PRKD1: variants seen among roughly 807,000 people sequenced by gnomAD.
PRKD1 encodes the protein protein kinase D1, also known as serine/threonine-protein kinase D1.
PRKD1 carries 63 observed loss-of-function variants against 95.9 expected under a neutral mutation model. The observed-to-expected ratio is 0.66, with a 90% CI of 0.54 to 0.81. The LOEUF is 0.81. Among genes scored for constraint, PRKD1 ranks in the 30% least tolerant of loss-of-function variants. The pLI is 0.00. For synonymous variants in PRKD1, 425 were observed against 423.1 expected, an observed-to-expected ratio of 1.00 and a Z score of -0.05; for missense variants, 1,048 against 1,165.3, an observed-to-expected ratio of 0.90 and a Z score of 1.47.
chr14:29,801,747 G>T (rs1365639190), intron 1 of PRKD1, among the ~76,000 whole-genome samples: 1 of 152,014 alleles, frequency 6.6e-6, no homozygotes, highest in Admixed American at 6.6e-5. Context: ...GGAGTGCAAT[G>T]GCACAATCTC....
Position 29,826,560 on chromosome 14 carries a change from T to C in PRKD1, c.264+100689A>G, listed in dbSNP as rs1392995540. 1.4e-4 allele frequency among the ~76,000 whole-genome samples: 5 copies of C among 35,588 alleles called. 1 individual carries two copies. Among genetic ancestry groups the C allele is most frequent in the African/African-American group, 4.3e-4 (5 of 11,506 alleles). The allele number at this position is 35,588 out of a possible 152,430, so 23.3% of individuals were successfully genotyped here. On this transcript the variant is annotated intron_variant, in intron 1 of 17. Transcript: ENST00000331968. ...GGAATATATGTATACATATATATGA[T>C]GGAATATATATATATACATATATAT...
chr14:29,807,487 C>T (rs1417116148), intron 1 of PRKD1, among the ~76,000 whole-genome samples: 1 of 151,992 alleles, frequency 6.6e-6, no homozygotes, highest in Non-Finnish European at 1.5e-5. Flanking sequence ...ACCTCTGCCT[C>T]CCAGGCTCAG....
intron 13 of PRKD1, among the ~76,000 whole-genome samples, chr14:29,620,162 C>A (rs1391523889): frequency 6.7e-6 from 1 of 149,882 alleles, no homozygotes; most frequent in Non-Finnish European, 1.5e-5. Flanking sequence ...ACACCTTATA[C>A]AAAAATTAAT....
At chr14:29,839,370 T>C (rs889908827) in intron 1 of PRKD1, among the ~76,000 whole-genome samples, 3 of 152,186 alleles carry the variant, frequency 2.0e-5, no homozygotes, top group Admixed American at 1.3e-4. Flanking sequence ...GTACCACCAG[T>C]ACTATCCTGA....
chr14:29,630,701 CATG>C, intron 10 of PRKD1, 38 bp downstream of exon 10: 1 of 1,612,854 alleles, frequency 6.2e-7, no homozygotes, highest in Middle Eastern at 1.7e-4. Context: ...GGGGTAGGCA[CATG>C]ATGAGCTTTG....
chr14:29,734,668 T>C (rs1886632921), intron 1 of PRKD1, among the ~76,000 whole-genome samples: 1 of 152,192 alleles, frequency 6.6e-6, no homozygotes, highest in Admixed American at 6.5e-5. Context: ...TAGGAAGTGG[T>C]CATTTCACAG....
In PRKD1 at chr14:29,643,510, C is replaced by T. The variant is rs112551056; in HGVS notation, c.697-4606G>A. Among the ~76,000 whole-genome samples, 183 of 152,278 alleles carry T rather than the reference C, an allele frequency of 1.2e-3. 2 individuals are homozygous for T. Among genetic ancestry groups the T allele is most frequent in the African/African-American group, 4.2e-3 (173 of 41,562 alleles). On this transcript the variant is annotated intron_variant, in intron 4 of 17. Coordinates refer to ENST00000331968, the MANE Select transcript of PRKD1 (RefSeq NM_002742.3). ...ACTCAGAGAGACAATGTATCCTGCT[C>T]TTCTAGAGACTGAATTTGTTTTTTA...
intron 2 of PRKD1, among the ~76,000 whole-genome samples, chr14:29,681,005 G>T (rs1233157216): frequency 6.6e-6 from 1 of 152,156 alleles, no homozygotes; most frequent in East Asian, 1.9e-4. Flanking sequence ...TTTACCATCT[G>T]GTTAGTTACA....
At chr14:29,672,066 G>A (rs559459134) in intron 2 of PRKD1, among the ~76,000 whole-genome samples, 28 of 152,068 alleles carry the variant, frequency 1.8e-4, no homozygotes, top group Middle Eastern at 3.4e-3. Context: ...ACAATTGGCC[G>A]GCGTGGTGGC....
Position 29,666,353 on chromosome 14 carries a change from T to G in PRKD1, c.404-145A>C, listed in dbSNP as rs1374917442. 3.7e-6 allele frequency: 3 copies of G among 811,318 alleles called. No homozygotes were observed. The East Asian group carries it at 9.3e-5, about 25-fold the overall frequency. The allele number at this position is 811,318 out of a possible 1,614,324, so 50.3% of individuals were successfully genotyped here. A position where few individuals can be genotyped will look rare whatever the true frequency, so the allele number is the denominator to read the frequency against. ...ATAAGATGCAACACAGCTTGCACTT[T>G]CAGCCATTAGACATTATTCCCAGCC... On this transcript the variant is annotated intron_variant, in intron 2 of 17. Coordinates refer to ENST00000331968, the MANE Select transcript of PRKD1 (RefSeq NM_002742.3).
rs1347383947 is a variant in PRKD1, at chr14:29,626,479, C to A, written c.1798+5G>T. ...TTCATAAAAATACTCAGTGAGATAA[C>A]CTACCTCCATAAACAATTCCAAACT... On this transcript the variant is annotated splice_donor_5th_base_variant and intron_variant, in intron 12 of 17. Transcript: ENST00000331968. 6.2e-7 allele frequency: 1 copy of A among 1,607,014 alleles called. No homozygotes were observed. The highest frequency in any genetic ancestry group is 1.7e-5 in the Admixed American group (1 of 59,390).
chr14:29,735,929 T>C (rs1886690988), intron 1 of PRKD1, among the ~76,000 whole-genome samples: 1 of 152,180 alleles, frequency 6.6e-6, no homozygotes, highest in Non-Finnish European at 1.5e-5. Context: ...GGTAGAATAA[T>C]ACCAAAATAT....
At chr14:29,904,932 G>A (rs45577337) in intron 1 of PRKD1, among the ~76,000 whole-genome samples, 13 of 152,242 alleles carry the variant, frequency 8.5e-5, no homozygotes, top group Non-Finnish European at 1.8e-4. Context: ...TGGACAAAAA[G>A]CCAATAAATC....
intron 2 of PRKD1, among the ~76,000 whole-genome samples, chr14:29,712,474 A>C (rs1885381326): frequency 6.6e-6 from 1 of 152,206 alleles, no homozygotes; most frequent in African/African-American, 2.4e-5. Flanking sequence ...GCTTTATAAC[A>C]TGAAAAATAA....
intron 16 of PRKD1, among the ~76,000 whole-genome samples, chr14:29,585,484 A>G (rs997022632): frequency 1.3e-5 from 2 of 152,208 alleles, no homozygotes; most frequent in Non-Finnish European, 2.9e-5. Flanking sequence ...GATCTTGGAA[A>G]TCATAAATTG....
At chr14:29,734,460 T>G (rs571466303) in intron 1 of PRKD1, among the ~76,000 whole-genome samples, 69 of 152,302 alleles carry the variant, frequency 4.5e-4, no homozygotes, top group East Asian at 3.1e-3. Context: ...TTAAGTTAAT[T>G]GCAGATCAGT....
intron 2 of PRKD1, among the ~76,000 whole-genome samples, chr14:29,671,482 A>G (rs1206190755): frequency 1.3e-5 from 2 of 152,250 alleles, no homozygotes; most frequent in Non-Finnish European, 2.9e-5. Context: ...AGAATGAAGC[A>G]GAGATAGGCC....
At chr14:29,793,027 C>A (rs1289743592) in intron 1 of PRKD1, among the ~76,000 whole-genome samples, 1 of 151,610 alleles carries the variant, frequency 6.6e-6, no homozygotes, top group African/African-American at 2.4e-5. Context: ...TTGGAAAAAA[C>A]TTCACACTCT....
intron 6 of PRKD1, 153 bp downstream of exon 6, chr14:29,638,336 T>C (rs1455724947): frequency 5.7e-6 from 4 of 704,400 alleles, no homozygotes; most frequent in African/African-American, 3.6e-5. Context: ...TGCTTTTCTA[T>C]TGTAAAGTAG....
Sources: allele counts gnomAD v4.1 joint callset (sites outside exome capture counted in the v4.1 genomes callset), GRCh38; gene constraint gnomAD v4.1.1; transcripts MANE v1.5; gene names NCBI Gene and HGNC (gene_info 2026-07-23, HGNC 2026-07-21).